Variants in WDR82 observed in about 807,000 individuals in gnomAD.
The protein encoded by WDR82 is WD repeat domain 82.
WDR82 carries 8 observed loss-of-function variants against 36.1 expected under a neutral mutation model. The observed-to-expected ratio is 0.22, with a 90% CI of 0.13 to 0.40. WDR82 has a LOEUF of 0.40. Ranked by LOEUF, WDR82 falls within the 10% of genes least tolerant of loss-of-function variation. The probability of loss-of-function intolerance (pLI) is 1.00; values close to 1 mark genes in which losing one functional copy is unlikely to be tolerated. For missense variants in WDR82, 185 were observed against 400.5 expected (o/e 0.46, Z 4.59); for synonymous variants, 129 against 137.8 (o/e 0.94, Z 0.45).
intron 3 of WDR82, among the ~76,000 whole-genome samples, chr3:52,263,030 A>G (rs1405138209): frequency 6.6e-6 from 1 of 151,802 alleles, no homozygotes; most frequent in Admixed American, 6.5e-5. Context: ...CAAGAGGCTG[A>G]GGCGGAAGAA....
At position 52,255,756 on chromosome 3, in the gene WDR82, T is replaced by C. The variant is rs1384108451; in HGVS notation, c.*1734A>G. 1.3e-5 allele frequency: 2 copies of C among 152,186 alleles called. No individual in the cohort carries two copies. The highest frequency in any genetic ancestry group is 2.9e-5 in the Non-Finnish European group (2 of 68,042). 9.4% of individuals were successfully genotyped at this position (152,186 alleles called of 1,614,324 possible). A position where few individuals can be genotyped will look rare whatever the true frequency, so the allele number is the denominator to read the frequency against. ...TCAGTTTCTGGATCTGCAAGGAGTG[T>C]TGCCTGCATAAATGTTTGTTTAGGA... On this transcript the variant is annotated 3_prime_UTR_variant, in exon 9 of 9. Transcript: ENST00000296490.
Position 52,278,412 on chromosome 3 carries a change from C to G in WDR82, c.-51G>C, listed in dbSNP as rs1259619754. The G allele has an allele frequency of 1.6e-6, 2 of 1,257,448 alleles. No homozygotes were observed. The highest frequency in any genetic ancestry group is 3.2e-5 in the African/African-American group (2 of 62,446). 77.9% of individuals were successfully genotyped at this position (1,257,448 alleles called of 1,614,324 possible). A position where few individuals can be genotyped will look rare whatever the true frequency, so the allele number is the denominator to read the frequency against. On this transcript the variant is annotated 5_prime_UTR_variant, in exon 1 of 9. Transcript: ENST00000296490. The stretch of plus-strand genomic sequence containing the variant: ...GGCGCAGGGCCGGGGCGGGGCCCGG[C>G]GGCGAGCGGGCGGGCTGCCGAGGGG...
intron 1 of WDR82, among the ~76,000 whole-genome samples, chr3:52,271,662 T>G (rs897373092): frequency 6.6e-6 from 1 of 152,176 alleles, no homozygotes; most frequent in Non-Finnish European, 1.5e-5. Context: ...TTTGCTAATG[T>G]AACCTGCTCT....
At chr3:52,258,251 T>A (rs1700029917) in intron 8 of WDR82, among the ~76,000 whole-genome samples, 1 of 152,204 alleles carries the variant, frequency 6.6e-6, no homozygotes, top group African/African-American at 2.4e-5. Flanking sequence ...CCCAGGTAGT[T>A]TGGACCTAAA....
In WDR82 at chr3:52,278,599, C is replaced by A; in HGVS notation, c.-238G>T. On this transcript the variant is annotated 5_prime_UTR_variant, in exon 1 of 9. Coordinates refer to ENST00000296490, the MANE Select transcript of WDR82 (RefSeq NM_025222.4). ...ACAGCCACCTCACGGACAACCGGCG[C>A]GTCGCCGGCTCATTGTGTCCGCCAT... The A allele has an allele frequency of 5.0e-6, 2 of 403,374 alleles. No individual in the cohort carries two copies. The highest frequency in any genetic ancestry group is 8.7e-6 in the Non-Finnish European group (2 of 230,770). The allele number at this position is 403,374 out of a possible 1,614,324, so 25.0% of individuals were successfully genotyped here. A position where few individuals can be genotyped will look rare whatever the true frequency, so the allele number is the denominator to read the frequency against.
chr3:52,265,637 G>A (rs533443984), intron 3 of WDR82, among the ~76,000 whole-genome samples: 3 of 148,032 alleles, frequency 2.0e-5, no homozygotes, highest in East Asian at 2.0e-4. Context: ...GTGCAGTGGC[G>A]CCACCTTGGC....
intron 3 of WDR82, among the ~76,000 whole-genome samples, chr3:52,262,841 T>C (rs995886425): frequency 6.6e-6 from 1 of 152,146 alleles, no homozygotes; most frequent in African/African-American, 2.4e-5. Flanking sequence ...TAAAACACAA[T>C]GAGCAGGCCA....
In WDR82 at chr3:52,255,008, T is replaced by C. The variant is rs1421474069; in HGVS notation, c.*2482A>G. The C allele has an allele frequency of 6.7e-6, 1 of 150,092 alleles. No individual in the cohort carries two copies. The highest frequency in any genetic ancestry group is 1.9e-4 in the East Asian group (1 of 5,146). The allele number at this position is 150,092 out of a possible 1,614,324, so 9.3% of individuals were successfully genotyped here. Reference sequence around the variant, plus strand: ...CCCAGGCCGGAGTGCAATGGCACGATCTCAACTCACCGCAACCTCCGCCTC... The same window carrying C: ...CCCAGGCCGGAGTGCAATGGCACGACCTCAACTCACCGCAACCTCCGCCTC... On this transcript the variant is annotated 3_prime_UTR_variant, in exon 9 of 9. Coordinates refer to ENST00000296490, the MANE Select transcript of WDR82 (RefSeq NM_025222.4).
rs761674382 is a variant in WDR82 at position 52,278,320 on chromosome 3, A to G, written c.42T>C (p.Ala14=). ...TGTCCGAGTTTTCGCGGAACACCTT[A>G]GCGACGCGGAAGCTCCGCAACACGC... ...TDSVLRSFRV[A]KVFRENSDKI... is the part of the protein sequence containing the mutation. Residue 14 remains alanine (A), a synonymous_variant, in exon 1 of 9, where the codon GCT becomes GCC. Transcript: ENST00000296490. 1 of 1,601,406 alleles carries G rather than the reference A, an allele frequency of 6.2e-7. No homozygotes were observed. Among genetic ancestry groups the G allele is most frequent in the Admixed American group, 1.7e-5 (1 of 58,008 alleles).
intron 1 of WDR82, among the ~76,000 whole-genome samples, chr3:52,275,951 GT>G (rs1169946524): frequency 6.6e-6 from 1 of 152,184 alleles, no homozygotes; most frequent in East Asian, 1.9e-4. Context: ...AACTCTAAAG[GT>G]GGGGGGAGGC....
chr3:52,278,529 G>C lies in WDR82; in HGVS notation c.-168C>G. 1.9e-6 allele frequency: 1 copy of C among 533,982 alleles called. No individual in the cohort carries two copies. Among genetic ancestry groups the C allele is most frequent in the Non-Finnish European group, 2.9e-6 (1 of 350,714 alleles). The allele number at this position is 533,982 out of a possible 1,614,324, so 33.1% of individuals were successfully genotyped here. A position where few individuals can be genotyped will look rare whatever the true frequency, so the allele number is the denominator to read the frequency against. ...CCTCCTCTTCTTCCTGCTTGGTCGA[G>C]GGTCTTCTGCCTGGACTGTGGAGCC... is the stretch of plus-strand genomic sequence containing the variant. On this transcript the variant is annotated 5_prime_UTR_variant, in exon 1 of 9. Transcript: ENST00000296490.
chr3:52,255,188 C>G lies in WDR82; in HGVS notation c.*2302G>C, dbSNP rs553529655. 1 of 152,144 alleles carries G rather than the reference C, an allele frequency of 6.6e-6. No individual in the cohort carries two copies. The highest frequency in any genetic ancestry group is 1.5e-5 in the Non-Finnish European group (1 of 68,060). The allele number at this position is 152,144 out of a possible 1,614,324, so 9.4% of individuals were successfully genotyped here. On this transcript the variant is annotated 3_prime_UTR_variant, in exon 9 of 9. Transcript: ENST00000296490. ...AACTCCCGACCTCCGGTGATCCGCC[C>G]GCCTCGGCCTCCCAAAGTGCTGGGA...
At chr3:52,267,705 A>G (rs1225141073) in intron 2 of WDR82, 3 of 152,430 alleles carry the variant, frequency 2.0e-5, no homozygotes, top group African/African-American at 7.2e-5. Flanking sequence ...AGGAACAATC[A>G]GAGATTTGTG....
At position 52,259,786 on chromosome 3, in the gene WDR82, G is replaced by A. The variant is rs762890662; in HGVS notation, c.630C>T (p.Leu210=). The A allele has an allele frequency of 1.2e-6, 2 of 1,614,154 alleles. No individual in the cohort carries two copies. Among genetic ancestry groups the A allele is most frequent in the South Asian group, 1.1e-5 (1 of 91,076 alleles). ...LKFSNDGKLI[L]ISTNGSFIRL... ...GAATGAAGCTGCCGTTGGTGGAAATGAGGATGAGCTTGCCATCATTGCTGA... is the reference window on the plus strand; with the variant it reads ...GAATGAAGCTGCCGTTGGTGGAAATAAGGATGAGCTTGCCATCATTGCTGA... Residue 210 remains leucine, a synonymous_variant, in exon 6 of 9, where the codon CTC becomes CTT. Transcript: ENST00000296490.
intron 1 of WDR82, among the ~76,000 whole-genome samples, chr3:52,273,526 G>A (rs1356927917): frequency 6.6e-6 from 1 of 151,334 alleles, no homozygotes; most frequent in African/African-American, 2.4e-5. Flanking sequence ...ACTTAGATCT[G>A]GTCTATTTGT....
intron 1 of WDR82, among the ~76,000 whole-genome samples, chr3:52,274,733 T>C (rs1700187191): frequency 6.6e-6 from 1 of 151,696 alleles, no homozygotes; most frequent in African/African-American, 2.4e-5. Context: ...TGAAACCCCA[T>C]TTCTACTAAA....
intron 8 of WDR82, among the ~76,000 whole-genome samples, chr3:52,258,119 G>C (rs989419388): frequency 6.6e-6 from 1 of 152,102 alleles, no homozygotes; most frequent in African/African-American, 2.4e-5. Flanking sequence ...ATTCTAAGTG[G>C]TGAGTTATGA....
In WDR82 at chr3:52,254,513, C is replaced by G. The variant is rs144560887; in HGVS notation, c.*2977G>C. 2 of 152,570 alleles carry G rather than the reference C, an allele frequency of 1.3e-5. No homozygotes were observed. Among genetic ancestry groups the G allele is most frequent in the African/African-American group, 4.8e-5 (2 of 41,432 alleles). 9.5% of individuals were successfully genotyped at this position (152,570 alleles called of 1,614,324 possible). A position where few individuals can be genotyped will look rare whatever the true frequency, so the allele number is the denominator to read the frequency against. On this transcript the variant is annotated 3_prime_UTR_variant, in exon 9 of 9. Coordinates refer to ENST00000296490, the MANE Select transcript of WDR82 (RefSeq NM_025222.4). Reference sequence around the variant, plus strand: ...ACATAAAATTGTATATACAGAATAACGACTATGTAAACACACCAAAAATCT... The same window carrying G: ...ACATAAAATTGTATATACAGAATAAGGACTATGTAAACACACCAAAAATCT...
chr3:52,275,656 C>T (rs1308207033), intron 1 of WDR82, among the ~76,000 whole-genome samples: 3 of 152,162 alleles, frequency 2.0e-5, no homozygotes, highest in Non-Finnish European at 4.4e-5. Context: ...GAGGCTGAGG[C>T]GGGTAGATCA....
Sources: allele counts gnomAD v4.1 joint callset (sites outside exome capture counted in the v4.1 genomes callset), GRCh38; gene constraint gnomAD v4.1.1; transcripts MANE v1.5; gene names NCBI Gene and HGNC (gene_info 2026-07-23, HGNC 2026-07-21).